Variants in C12orf42 observed in about 807,000 individuals in gnomAD.
C12orf42 encodes the protein uncharacterized protein C12orf42.
A neutral mutation model predicts 21.6 loss-of-function variants in C12orf42; 25 were observed. That is an observed-to-expected ratio of 1.16 (90% CI 0.84 to 1.62). The LOEUF (loss-of-function observed/expected upper bound fraction) is 1.62. Among genes scored for constraint, C12orf42 ranks in the 40% most tolerant of loss-of-function variants. The pLI, the probability that C12orf42 is intolerant of heterozygous loss-of-function variation, is 0.00. For missense variants in C12orf42, 483 were observed against 459.3 expected (o/e 1.05, Z -0.47); for synonymous variants, 174 against 175.0 (o/e 0.99, Z 0.05).
chr12:103,436,162 G>A (rs939674729), intron 2 of C12orf42, among the ~76,000 whole-genome samples: 19 of 151,102 alleles, frequency 1.3e-4, no homozygotes, highest in East Asian at 9.8e-4. Flanking sequence ...AGCTTCATAA[G>A]TGAAGGAGAA....
chr12:103,305,886 T>G, intron 5 of C12orf42, 88 bp downstream of exon 5: 1 of 1,444,350 alleles, frequency 6.9e-7, no homozygotes, highest in Non-Finnish European at 9.3e-7. Context: ...GGCCATGAAG[T>G]CAATATTTTT....
chr12:103,406,731 C>A (rs2048454094), intron 2 of C12orf42, among the ~76,000 whole-genome samples: 1 of 152,106 alleles, frequency 6.6e-6, no homozygotes, highest in South Asian at 2.1e-4. Context: ...CATAAGGTAC[C>A]AGGGGAGCTC....
chr12:103,221,627 C>G, the C12orf42 span, among the ~76,000 whole-genome samples: 2 of 152,162 alleles, frequency 1.3e-5, no homozygotes, highest in African/African-American at 4.8e-5. Context: ...TACTCAAGAG[C>G]ATCTCTTCCT....
downstream of C12orf42, among the ~76,000 whole-genome samples, chr12:103,263,824 C>A (rs529466427): frequency 1.3e-5 from 2 of 152,264 alleles, no homozygotes; most frequent in African/African-American, 4.8e-5. Context: ...CAGCAAATAT[C>A]CTACATCATC....
intron 3 of C12orf42, among the ~76,000 whole-genome samples, chr12:103,371,650 C>CA (rs2045249928): frequency 6.6e-6 from 1 of 152,046 alleles, no homozygotes. Flanking sequence ...GAAAGTGAGA[C>CA]AAAAATTTTT....
intron 3 of C12orf42, among the ~76,000 whole-genome samples, chr12:103,395,311 GA>G (rs553004508): frequency 4.6e-5 from 7 of 151,298 alleles, no homozygotes; most frequent in African/African-American, 7.3e-5. Flanking sequence ...AACACTAATA[GA>G]AATGTGGCTT....
the C12orf42 span, among the ~76,000 whole-genome samples, chr12:103,555,013 T>A: frequency 6.6e-6 from 1 of 152,130 alleles, no homozygotes; most frequent in Non-Finnish European, 1.5e-5. Context: ...CCCCCTGTCA[T>A]GGTAGGCTTC....
the C12orf42 span, among the ~76,000 whole-genome samples, chr12:103,508,783 T>C: frequency 1.3e-5 from 2 of 152,238 alleles, no homozygotes; most frequent in African/African-American, 4.8e-5. Flanking sequence ...TTTCAAGTCC[T>C]GGCTCAGCCA....
exon 7 of C12orf42, chr12:103,268,826 C>A (rs2035299900): frequency 6.6e-6 from 1 of 152,110 alleles, no homozygotes; most frequent in African/African-American, 2.4e-5. Context: ...ACATATAATG[C>A]ATGAAAAAGT....
At chr12:103,368,597 C>T (rs2044855902) in intron 4 of C12orf42, among the ~76,000 whole-genome samples, 1 of 152,036 alleles carries the variant, frequency 6.6e-6, no homozygotes, top group African/African-American at 2.4e-5. Context: ...GCTGCCAGGG[C>T]ATGTTATTGC....
At chr12:103,397,257 C>T (rs1277256870) in intron 3 of C12orf42, among the ~76,000 whole-genome samples, 1 of 152,226 alleles carries the variant, frequency 6.6e-6, no homozygotes, top group Non-Finnish European at 1.5e-5. Context: ...ATCTACTCTC[C>T]TGTTAATGAA....
chr12:103,402,357 A>G (rs1180959408), intron 2 of C12orf42, among the ~76,000 whole-genome samples: 2 of 152,248 alleles, frequency 1.3e-5, no homozygotes, highest in African/African-American at 2.4e-5. Context: ...TACTTAAAAT[A>G]TCAAACCTTA....
intron 3 of C12orf42, among the ~76,000 whole-genome samples, chr12:103,395,201 T>C (rs1249991784): frequency 6.6e-6 from 1 of 152,236 alleles, no homozygotes; most frequent in Non-Finnish European, 1.5e-5. Flanking sequence ...CTTCCTTTTT[T>C]CTAATATGAT....
chr12:103,074,363 C>T, the C12orf42 span, among the ~76,000 whole-genome samples: 295 of 152,202 alleles, frequency 1.9e-3, no homozygotes, highest in African/African-American at 6.8e-3. Flanking sequence ...TCTGGAAAAG[C>T]GTACCATGGA....
chr12:103,551,000 T>C, the C12orf42 span, among the ~76,000 whole-genome samples: 3 of 152,204 alleles, frequency 2.0e-5, no homozygotes, highest in East Asian at 5.8e-4. Context: ...GTTACATATT[T>C]ATGTACAATT....
At chr12:103,325,216 G>A (rs2040563729) in intron 4 of C12orf42, among the ~76,000 whole-genome samples, 1 of 152,192 alleles carries the variant, frequency 6.6e-6, no homozygotes, top group African/African-American at 2.4e-5. Flanking sequence ...AACTGGTGTT[G>A]GCAGGCAGGC....
At chr12:103,292,983 A>G (rs1365973492) in intron 4 of C12orf42, among the ~76,000 whole-genome samples, 1 of 152,094 alleles carries the variant, frequency 6.6e-6, no homozygotes. Flanking sequence ...ACTCACTCTG[A>G]AAAACACCAT....
intron 3 of C12orf42, among the ~76,000 whole-genome samples, chr12:103,369,647 A>C (rs1301454677): frequency 6.6e-6 from 1 of 152,062 alleles, no homozygotes; most frequent in Non-Finnish European, 1.5e-5. Context: ...AAATGGCAAA[A>C]ACAGAAAATA....
intron 10 of C12orf42, among the ~76,000 whole-genome samples, chr12:103,244,852 A>G (rs1267690876): frequency 6.6e-6 from 1 of 151,956 alleles, no homozygotes; most frequent in African/African-American, 2.4e-5. Flanking sequence ...TTAAACTAAT[A>G]CTCCTGCTAA....
Sources: allele counts gnomAD v4.1 joint callset (sites outside exome capture counted in the v4.1 genomes callset), GRCh38; gene constraint gnomAD v4.1.1; transcripts MANE v1.5; gene names NCBI Gene and HGNC (gene_info 2026-07-23, HGNC 2026-07-21).